The following GRK1 variants were observed in gnomAD, a reference collection of about 807,000 sequenced individuals.
The protein encoded by GRK1 is G protein-coupled receptor kinase 1.
Under a neutral mutation model 41.7 loss-of-function variants are expected in GRK1, and 28 were observed. The observed-to-expected ratio is 0.67, with a 90% CI of 0.50 to 0.92. The LOEUF (loss-of-function observed/expected upper bound fraction) is 0.92, where lower values mean the gene tolerates loss of function less well. GRK1 is among the 40% of genes least tolerant of loss of function. The pLI, the probability that GRK1 is intolerant of heterozygous loss-of-function variation, is 0.00. For missense variants in GRK1, 703 were observed against 671.2 expected (o/e 1.05, Z -0.52); for synonymous variants, 327 against 286.7 (o/e 1.14, Z -1.42).
At position 113,667,493 on chromosome 13, in the gene GRK1, T is replaced by C; in HGVS notation, c.107T>C (p.Leu36Pro). 6.2e-7 allele frequency: 1 copy of C among 1,612,324 alleles called. No homozygotes were observed. Among genetic ancestry groups the C allele is most frequent in the South Asian group, 1.1e-5 (1 of 90,836 alleles). ...SSQPSRDKKY[L>P]AKLKLPPLSK... ...CAACCCTCCCGGGACAAGAAGTACC[T>C]GGCCAAGCTCAAGCTGCCCCCGCTG... Residue 36 changes from leucine (L) to proline (P), a missense_variant, in exon 1 of 7, where the codon CTG becomes CCG. Coordinates refer to ENST00000335678, the MANE Select transcript of GRK1 (RefSeq NM_002929.3). This position sits in a 1 kb window ranked among gnomAD's most constrained non-coding sequence, Gnocchi z 7.5.
chr13:113,733,908 TAC>T lies in GRK1; in HGVS notation c.1396+825_1396+826del, dbSNP rs560579269. Among the ~76,000 whole-genome samples, 38 of 109,496 alleles carry T rather than the reference TAC, an allele frequency of 3.5e-4. 1 individual carries two copies. The highest frequency in any genetic ancestry group is 6.3e-3 in the Middle Eastern group (1 of 158). The allele number at this position is 109,496 out of a possible 152,430, so 71.8% of individuals were successfully genotyped here. A position where few individuals can be genotyped will look rare whatever the true frequency, so the allele number is the denominator to read the frequency against. Reference sequence around the variant, plus strand: ...GTGTGTGCGTGTGTGTATGTGTGCATACAGTGTGCGTGTGTGCATGTGTGCAT... The same window carrying T: ...GTGTGTGCGTGTGTGTATGTGTGCATAGTGTGCGTGTGTGCATGTGTGCAT... On this transcript the variant is annotated intron_variant, in intron 6 of 6. Coordinates refer to ENST00000335678, the MANE Select transcript of GRK1 (RefSeq NM_002929.3).
Position 113,731,963 on chromosome 13 carries a change from G to C in GRK1, c.1194+620G>C, listed in dbSNP as rs2140731977. Among the ~76,000 whole-genome samples, 1 of 152,314 alleles carries C rather than the reference G, an allele frequency of 6.6e-6. No homozygotes were observed. The highest frequency in any genetic ancestry group is 3.4e-3 in the Middle Eastern group (1 of 294). On this transcript the variant is annotated intron_variant, in intron 5 of 6. Transcript: ENST00000335678. This position sits in a 1 kb window ranked among gnomAD's most constrained non-coding sequence, Gnocchi z 5.6. ...AGTGTGGACACCTAGTGGGGCTGCT[G>C]GGTCTCCCCTGAGTGCCCCCTGGGC...
intron 1 of GRK1, 118 bp from the exon 2 acceptor site, chr13:113,669,569 G>C (rs1045925228): frequency 8.0e-7 from 1 of 1,247,264 alleles, no homozygotes; most frequent in African/African-American, 1.5e-5. Context: ...TTTAAAGCAT[G>C]TTTGCGACTG....
rs149564256 is a variant in GRK1 at position 113,734,714 on chromosome 13, C to T, written c.1397-354C>T. ...AGGGGAGGCCCTGGTGGGGATGGGG[C>T]CCCAGGGGAAGGCGTGTTCGGGGAG... On this transcript the variant is annotated intron_variant, in intron 6 of 6. Coordinates refer to ENST00000335678, the MANE Select transcript of GRK1 (RefSeq NM_002929.3). 616 of 190,104 alleles carry T rather than the reference C, an allele frequency of 3.2e-3. 10 individuals carry two copies. Among genetic ancestry groups the T allele is most frequent in the African/African-American group, 0.013 (575 of 42,932 alleles). 11.8% of individuals were successfully genotyped at this position (190,104 alleles called of 1,614,324 possible). A position where few individuals can be genotyped will look rare whatever the true frequency, so the allele number is the denominator to read the frequency against.
the GRK1 span, chr13:113,654,896 C>T: frequency 6.2e-7 from 1 of 1,614,242 alleles, no homozygotes; most frequent in African/African-American, 1.3e-5. Context: ...GGGCGAAGAG[C>T]CCAGTCATCA....
the GRK1 span, chr13:113,652,935 G>A: frequency 6.2e-7 from 1 of 1,614,234 alleles, no homozygotes; most frequent in Non-Finnish European, 8.5e-7. Flanking sequence ...GGATCCGCCA[G>A]GCCTGAGCAG....
In GRK1 at chr13:113,735,156, T is replaced by C. The variant is rs2049993653; in HGVS notation, c.1485T>C (p.Gly495=). The C allele has an allele frequency of 2.0e-6, 3 of 1,537,034 alleles. No homozygotes were observed. The highest frequency in any genetic ancestry group is 1.7e-6 in the Non-Finnish European group (2 of 1,146,864). ...TGGGTGCCTTTTCCACCGTCAAAGG[T>C]GTGGCCTTTGACAAAACAGACACAG... ...QDVGAFSTVK[G]VAFDKTDTEF... is the part of the protein sequence containing the mutation. Residue 495 remains glycine (G), a synonymous_variant, in exon 7 of 7, where the codon GGT becomes GGC. Transcript: ENST00000335678.
At chr13:113,658,726 A>C in the GRK1 span, among the ~76,000 whole-genome samples, 1 of 151,698 alleles carries the variant, frequency 6.6e-6, no homozygotes, top group African/African-American at 2.4e-5. Flanking sequence ...GTCCCCGGGG[A>C]CTCCTCTGCC....
the GRK1 span, among the ~76,000 whole-genome samples, chr13:113,660,889 G>T: frequency 1.3e-5 from 2 of 152,168 alleles, no homozygotes; most frequent in African/African-American, 4.8e-5. Flanking sequence ...ACTAAAAGTA[G>T]ACATAAACAC....
chr13:113,734,354 G>GA (rs1343410342), intron 6 of GRK1: 7 of 152,468 alleles, frequency 4.6e-5, no homozygotes, highest in African/African-American at 1.7e-4. Flanking sequence ...ATGAGGAGGG[G>GA]ACCCCGCCCG....
upstream of GRK1, among the ~76,000 whole-genome samples, chr13:113,664,761 C>G (rs1406913746): frequency 1.3e-5 from 2 of 152,074 alleles, no homozygotes; most frequent in Non-Finnish European, 2.9e-5. This position sits in a 1 kb window ranked among gnomAD's most constrained non-coding sequence, Gnocchi z 5.4. Context: ...GGTCTCCGGG[C>G]GATTCATGTG....
At chr13:113,653,999 C>T in the GRK1 span, among the ~76,000 whole-genome samples, 60 of 152,138 alleles carry the variant, frequency 3.9e-4, no homozygotes, top group Non-Finnish European at 6.9e-4. Flanking sequence ...GAACAGCCCG[C>T]CATCCACACA....
the GRK1 span, among the ~76,000 whole-genome samples, chr13:113,657,441 A>G: frequency 6.6e-6 from 1 of 152,174 alleles, no homozygotes; most frequent in African/African-American, 2.4e-5. Context: ...GTGGCCTTGG[A>G]GGCCCAGGCA....
rs1413362821 is a variant in GRK1 at position 113,669,721 on chromosome 13, T to C, written c.734T>C (p.Val245Ala). The C allele has an allele frequency of 6.2e-7, 1 of 1,613,970 alleles. No individual in the cohort carries two copies. Among genetic ancestry groups the C allele is most frequent in the East Asian group, 2.2e-5 (1 of 44,880 alleles). The change falls in exon 2 of 7, where the codon GTA becomes GCA. Residue 245 changes from valine (V) to alanine (A), a missense_variant. Transcript: ENST00000335678. ...GTGGAGAAGAAGATTCTGATGAAAGTACACAGCAGGTTCATCGTGTCTCTG... is the reference window on the plus strand; with the variant it reads ...GTGGAGAAGAAGATTCTGATGAAAGCACACAGCAGGTTCATCGTGTCTCTG... Reference protein sequence around the residue: ...AMVEKKILMKVHSRFIVSLAY... With the variant: ...AMVEKKILMKAHSRFIVSLAY...
At chr13:113,728,131 T>G (rs2049905350) in intron 4 of GRK1, among the ~76,000 whole-genome samples, 1 of 96,428 alleles carries the variant, frequency 1.0e-5, no homozygotes, top group Non-Finnish European at 2.0e-5. Flanking sequence ...CGATGAGGAG[T>G]ACCCATGGCG....
the GRK1 span, chr13:113,650,563 T>C: frequency 1.4e-6 from 2 of 1,454,796 alleles, no homozygotes; most frequent in Non-Finnish European, 1.9e-6. This position sits in a 1 kb window ranked among gnomAD's most constrained non-coding sequence, Gnocchi z 5.0. Flanking sequence ...TGCCGGTGTC[T>C]GTGTGTTGCG....
chr13:113,726,793 C>G (rs1234163509), intron 4 of GRK1, among the ~76,000 whole-genome samples: 5 of 152,192 alleles, frequency 3.3e-5, no homozygotes, highest in Non-Finnish European at 5.9e-5. Context: ...CAGTTCCTCC[C>G]CGGAGTCTGG....
the GRK1 span, among the ~76,000 whole-genome samples, chr13:113,654,424 G>GT: frequency 1.3e-5 from 2 of 152,186 alleles, no homozygotes; most frequent in African/African-American, 4.8e-5. Context: ...CTTGGAAACT[G>GT]TTTCCTGTGC....
At chr13:113,728,142 ATGAGGAGTACCCATGGCG>A in intron 4 of GRK1, among the ~76,000 whole-genome samples, 1 of 115,930 alleles carries the variant, frequency 8.6e-6, no homozygotes, top group African/African-American at 3.8e-5. Context: ...ACCCATGGCG[ATGAGGAGTACCCATGGCG>A]ATGAGGAATA....
Sources: gnomAD v4.1 joint callset for allele counts (sites outside exome capture counted in the v4.1 genomes callset) on GRCh38, gnomAD v4.1.1 for gene constraint, Gnocchi (gnomAD v3.1) non-coding constraint, MANE v1.5 for transcripts, NCBI Gene and HGNC (gene_info 2026-07-23, HGNC 2026-07-21) for gene names.